The following HOMER2 variants were observed in gnomAD, a reference collection of about 807,000 sequenced individuals.
HOMER2 encodes homer protein homolog 2.
Under a neutral mutation model 47.0 loss-of-function variants are expected in HOMER2, and 27 were observed. The observed-to-expected ratio is 0.57, with a 90% CI of 0.42 to 0.79. The LOEUF is 0.79. HOMER2 is among the 30% of genes least tolerant of loss of function. The pLI is 0.00. For missense variants in HOMER2, 443 were observed against 435.0 expected, an observed-to-expected ratio of 1.02 and a Z score of -0.16; for synonymous variants, 161 against 163.8, an observed-to-expected ratio of 0.98 and a Z score of 0.13.
intron 6 of HOMER2, among the ~76,000 whole-genome samples, 169 bp downstream of exon 6, chr15:82,854,475 A>G (rs920829568): frequency 1.3e-5 from 2 of 152,106 alleles, no homozygotes; most frequent in South Asian, 4.1e-4. Flanking sequence ...AATTCCTACT[A>G]AGAAAGGCAG....
intron 2 of HOMER2, among the ~76,000 whole-genome samples, chr15:82,875,691 G>A (rs1173605469): frequency 2.6e-5 from 4 of 152,150 alleles, no homozygotes; most frequent in African/African-American, 4.8e-5. Context: ...ACAAAGAATA[G>A]TTTCCCAAAC....
chr15:82,897,967 G>A (rs557555940), intron 1 of HOMER2, among the ~76,000 whole-genome samples: 1 of 152,230 alleles, frequency 6.6e-6, no homozygotes. Context: ...GTATGTGACA[G>A]TTTATTACGT....
chr15:82,967,228 G>C (rs2054682503), intron 1 of HOMER2, among the ~76,000 whole-genome samples: 1 of 152,100 alleles, frequency 6.6e-6, no homozygotes, highest in South Asian at 2.1e-4. Flanking sequence ...TCCAGCCTGG[G>C]TGACAGAGGG....
chr15:82,974,259 C>T (rs1220232855), intron 1 of HOMER2, among the ~76,000 whole-genome samples: 1 of 151,844 alleles, frequency 6.6e-6, no homozygotes, highest in Admixed American at 6.6e-5. Flanking sequence ...ACAAAATTAG[C>T]CAGCCGTGGT....
upstream of HOMER2, among the ~76,000 whole-genome samples, chr15:82,956,074 T>C (rs2054585000): frequency 6.6e-6 from 1 of 151,860 alleles, no homozygotes; most frequent in South Asian, 2.1e-4. Context: ...ACCCCATCTT[T>C]ACTAAAAATA....
intron 5 of HOMER2, among the ~76,000 whole-genome samples, chr15:82,856,737 G>A (rs932986609): frequency 6.6e-6 from 1 of 152,234 alleles, no homozygotes; most frequent in Non-Finnish European, 1.5e-5. Context: ...AAAGGCAGGG[G>A]GTTGGATCTA....
At chr15:82,879,366 T>C (rs1437503916) in intron 2 of HOMER2, among the ~76,000 whole-genome samples, 1 of 152,174 alleles carries the variant, frequency 6.6e-6, no homozygotes, top group Non-Finnish European at 1.5e-5. Context: ...CATGGTGCTG[T>C]GCACCTATAG....
chr15:82,872,483 AG>A (rs2151064146), intron 3 of HOMER2, among the ~76,000 whole-genome samples: 1 of 152,364 alleles, frequency 6.6e-6, no homozygotes, highest in East Asian at 1.9e-4. Flanking sequence ...ACTTGCTGCC[AG>A]AAAAAATTCT....
In HOMER2 at chr15:82,854,918, C is replaced by A. The variant is rs567062130; in HGVS notation, c.495-118G>T. On this transcript the variant is annotated intron_variant, in intron 5 of 8. Transcript: ENST00000450735. ...CACCCCTGGGGGGCCCACGCCCTCT[C>A]CCCACAGTAAGCTGGCAGGTGGGTC... 11 of 1,199,684 alleles carry A rather than the reference C, an allele frequency of 9.2e-6. No individual in the cohort carries two copies. The East Asian group carries it at 2.7e-4, about 29-fold the overall frequency. The allele number at this position is 1,199,684 out of a possible 1,614,324, so 74.3% of individuals were successfully genotyped here.
chr15:82,927,474 C>T lies in HOMER2; in HGVS notation c.5+25057G>A, dbSNP rs1292557170. On this transcript the variant is annotated intron_variant, in intron 1 of 8. Transcript: ENST00000450735. ...AGCTTGAAACTCCCAATTTCTATAG[C>T]GATAAAGTGTTGCTTGATTGGGAAA... 8.5e-5 allele frequency among the ~76,000 whole-genome samples: 13 copies of T among 152,236 alleles called. No individual in the cohort carries two copies. The East Asian group carries it at 1.3e-3, about 16-fold the overall frequency.
intron 1 of HOMER2, among the ~76,000 whole-genome samples, chr15:82,981,195 G>A (rs890712645): frequency 7.9e-5 from 12 of 152,312 alleles, no homozygotes; most frequent in African/African-American, 2.6e-4. Flanking sequence ...CCATTTGACA[G>A]GCTCATTTAT....
At chr15:82,971,089 AT>A (rs2029970365) in intron 1 of HOMER2, among the ~76,000 whole-genome samples, 1 of 152,246 alleles carries the variant, frequency 6.6e-6, no homozygotes, top group African/African-American at 2.4e-5. Context: ...TGTATTCCTC[AT>A]TGTAAATTAA....
At chr15:82,877,371 T>A (rs894298014) in intron 2 of HOMER2, among the ~76,000 whole-genome samples, 11 of 152,186 alleles carry the variant, frequency 7.2e-5, no homozygotes, top group African/African-American at 2.2e-4. Context: ...GGCTTCATCA[T>A]GTTGGCCAGG....
At position 82,939,564 on chromosome 15, in the gene HOMER2, G is replaced by T. The variant is rs8038539; in HGVS notation, c.5+12967C>A. Among the ~76,000 whole-genome samples, 1,107 of 152,258 alleles carry T rather than the reference G, an allele frequency of 7.3e-3. 11 individuals carry two copies. The highest frequency in any genetic ancestry group is 0.025 in the African/African-American group (1,044 of 41,534). Reference sequence around the variant, plus strand: ...GCAAACCTGTAGTCCCAACTACTTGGGGGGCTGAGGCAGGAAGATCGCTTG... The same window carrying T: ...GCAAACCTGTAGTCCCAACTACTTGTGGGGCTGAGGCAGGAAGATCGCTTG... On this transcript the variant is annotated intron_variant, in intron 1 of 8. Coordinates refer to ENST00000450735, the MANE Select transcript of HOMER2 (RefSeq NM_004839.4).
At position 82,979,478 on chromosome 15, in the gene HOMER2, G is replaced by T. The variant is rs1381491980; in HGVS notation, n.82+6309C>A. ...TTCTGTATGTTTCACAATGATAAAG[G>T]ATGCTCTACTAGCAGAGTGGAGAAG... On this transcript the variant is annotated intron_variant and non_coding_transcript_variant, in intron 1 of 1. Transcript: ENST00000500334. 2.6e-5 allele frequency among the ~76,000 whole-genome samples: 4 copies of T among 152,288 alleles called. No individual in the cohort carries two copies. The East Asian group carries it at 5.8e-4, about 22-fold the overall frequency.
At chr15:82,848,307 A>G (rs912458306), downstream of HOMER2, among the ~76,000 whole-genome samples, 1 of 152,128 alleles carries the variant, frequency 6.6e-6, no homozygotes, top group African/African-American at 2.4e-5. Flanking sequence ...AGGTTTCTAG[A>G]AGGAGTAGTC....
chr15:82,889,545 C>G (rs527789887), intron 2 of HOMER2, among the ~76,000 whole-genome samples: 23 of 152,290 alleles, frequency 1.5e-4, no homozygotes, highest in African/African-American at 5.3e-4. Context: ...CCCAGCAGTC[C>G]GCTCAACACA....
intron 3 of HOMER2, among the ~76,000 whole-genome samples, chr15:82,874,809 A>G (rs147985134): frequency 1.9e-3 from 294 of 152,348 alleles, no homozygotes; most frequent in African/African-American, 6.9e-3. Context: ...TATTTCATCA[A>G]GATGCATTCT....
chr15:82,925,824 TC>T (rs1276165375), intron 1 of HOMER2: 2 of 151,314 alleles, frequency 1.3e-5, no homozygotes, highest in Admixed American at 6.6e-5. Flanking sequence ...CTCTTCCCCC[TC>T]CCTAAAATTC....
Sources: gnomAD v4.1 joint callset for allele counts (sites outside exome capture counted in the v4.1 genomes callset) on GRCh38, gnomAD v4.1.1 for gene constraint, MANE v1.5 for transcripts, NCBI Gene and HGNC (gene_info 2026-07-23, HGNC 2026-07-21) for gene names.